Variants in AGAP3 observed in about 807,000 individuals in gnomAD.
The protein encoded by AGAP3 is ArfGAP with GTPase domain, ankyrin repeat and PH domain 3, also known as arf-GAP with GTPase, ANK repeat and PH domain-containing protein 3.
AGAP3 carries 24 observed loss-of-function variants against 96.9 expected under a neutral mutation model. That is an observed-to-expected ratio of 0.25 (90% CI 0.18 to 0.35). The LOEUF (loss-of-function observed/expected upper bound fraction) is 0.35, where lower values mean the gene tolerates loss of function less well. Among genes scored for constraint, AGAP3 ranks in the 10% least tolerant of loss-of-function variants. The pLI is 1.00. For synonymous variants in AGAP3, 563 were observed against 536.1 expected (o/e 1.05, Z -0.69); for missense variants, 876 against 1,254.2 (o/e 0.70, Z 4.55).
rs770250650 is a variant in AGAP3, at chr7:151,118,161, C to A, written c.707-49C>A. The A allele has an allele frequency of 2.0e-5, 32 of 1,569,914 alleles. No homozygotes were observed. Among genetic ancestry groups the A allele is most frequent in the Non-Finnish European group, 2.8e-5 (32 of 1,152,614 alleles). On this transcript the variant is annotated intron_variant, in intron 5 of 17. Transcript: ENST00000397238. The surrounding 1 kb of genome is among the most constrained non-coding windows in gnomAD (Gnocchi z 6.1). ...GGCCAAATGCCCCCCACCACACTAC[C>A]CCAGCTTCTCCGAAAGCTGAATGAC... is the stretch of plus-strand genomic sequence containing the variant.
intron 9 of AGAP3, among the ~76,000 whole-genome samples, chr7:151,127,124 T>C (rs1452767586): frequency 1.3e-5 from 2 of 152,214 alleles, no homozygotes; most frequent in Non-Finnish European, 2.9e-5. Context: ...CTTATCCTAA[T>C]GGCATCCATC....
chr7:151,108,117 G>A lies in AGAP3; in HGVS notation c.332-8676G>A, dbSNP rs1033355791. ...CTGGTCAGAGCTGGAGTGGCGTCAC[G>A]GGCACTTCCAGGGTCTTAGAACATG... On this transcript the variant is annotated intron_variant, in intron 1 of 17. Coordinates refer to ENST00000397238, the MANE Select transcript of AGAP3 (RefSeq NM_031946.7). This position sits in a 1 kb window ranked among gnomAD's most constrained non-coding sequence, Gnocchi z 4.2. Among the ~76,000 whole-genome samples, 14 of 152,230 alleles carry A rather than the reference G, an allele frequency of 9.2e-5. No homozygotes were observed. The highest frequency in any genetic ancestry group is 7.8e-4 in the Admixed American group (12 of 15,294).
rs993052103 is a variant in AGAP3, at chr7:151,117,958, T to G, written c.706+181T>G. The G allele has an allele frequency of 5.3e-6, 5 of 950,236 alleles. No homozygotes were observed. The African/African-American group carries it at 8.3e-5, about 16-fold the overall frequency. 58.9% of individuals were successfully genotyped at this position (950,236 alleles called of 1,614,324 possible). On this transcript the variant is annotated intron_variant, in intron 5 of 17. Coordinates refer to ENST00000397238, the MANE Select transcript of AGAP3 (RefSeq NM_031946.7). The stretch of plus-strand genomic sequence containing the variant: ...GAGGGCTTTTGCCCCCACTGAAACC[T>G]GCTGTCCCTGTGACTAGCAGGTCTG...
chr7:151,086,862 CCCGGGG>C lies in AGAP3; in HGVS notation c.128_133del (p.Ala43_Gly44del), dbSNP rs749816387. 1.5e-5 allele frequency: 16 copies of C among 1,094,088 alleles called. No homozygotes were observed. In the South Asian group the frequency reaches 5.3e-4, roughly 36 times the overall value. The allele number at this position is 1,094,088 out of a possible 1,614,324, so 67.8% of individuals were successfully genotyped here. On this transcript the variant is annotated inframe_deletion, in exon 1 of 18. Transcript: ENST00000397238. ...CGGCGGGCAGTTCGGCGGCGCGGGG[CCCGGGG>C]CCGGGGGCGGCGGCGGCCCCTCGCA... is the stretch of plus-strand genomic sequence containing the variant.
intron 10 of AGAP3, among the ~76,000 whole-genome samples, chr7:151,132,193 C>T (rs980023516): frequency 1.3e-5 from 2 of 152,164 alleles, no homozygotes; most frequent in Non-Finnish European, 2.9e-5. Flanking sequence ...CCTGGGTCTG[C>T]TTCCTTCCCA....
chr7:151,118,802 G>A lies in AGAP3; in HGVS notation c.969+170G>A, dbSNP rs912882010. 2.0e-5 allele frequency among the ~76,000 whole-genome samples: 3 copies of A among 152,158 alleles called. No individual in the cohort carries two copies. The highest frequency in any genetic ancestry group is 2.9e-5 in the Non-Finnish European group (2 of 68,038). Reference sequence around the variant, plus strand: ...GTTGGAATTCCATTTAGCCGGCACCGTAGCCTTGGCCTCATCCCTGCCCCA... The same window carrying A: ...GTTGGAATTCCATTTAGCCGGCACCATAGCCTTGGCCTCATCCCTGCCCCA... On this transcript the variant is annotated intron_variant, in intron 7 of 17. Coordinates refer to ENST00000397238, the MANE Select transcript of AGAP3 (RefSeq NM_031946.7). This position sits in a 1 kb window ranked among gnomAD's most constrained non-coding sequence, Gnocchi z 6.1.
chr7:151,123,655 TCCCGTCCCGCCGC>T lies in AGAP3; in HGVS notation c.1129-134_1129-122del. The T allele has an allele frequency of 2.0e-6, 3 of 1,511,494 alleles. No homozygotes were observed. The Admixed American group carries it at 6.0e-5, about 30-fold the overall frequency. 93.6% of individuals were successfully genotyped at this position (1,511,494 alleles called of 1,614,324 possible). A position where few individuals can be genotyped will look rare whatever the true frequency, so the allele number is the denominator to read the frequency against. Reference sequence around the variant, plus strand: ...TGGAATACTCGTGGTCTCAGTTCCTTCCCGTCCCGCCGCCCCGGCCCGACCCACTGCTAGGGCT... The same window carrying T: ...TGGAATACTCGTGGTCTCAGTTCCTTCCCGGCCCGACCCACTGCTAGGGCT... On this transcript the variant is annotated intron_variant, in intron 8 of 17. Transcript: ENST00000397238.
At chr7:151,092,101 G>A (rs2150405936) in intron 1 of AGAP3, among the ~76,000 whole-genome samples, 1 of 152,306 alleles carries the variant, frequency 6.6e-6, no homozygotes, top group Non-Finnish European at 1.5e-5. Context: ...AACCGCAGGA[G>A]TTGGTGCGTC....
intron 10 of AGAP3, among the ~76,000 whole-genome samples, chr7:151,129,895 G>GGA (rs1800338467): frequency 2.6e-5 from 4 of 152,200 alleles, no homozygotes; most frequent in Non-Finnish European, 5.9e-5. Flanking sequence ...AAGACAAGGG[G>GGA]AGCCCCAGTA....
intron 1 of AGAP3, among the ~76,000 whole-genome samples, chr7:151,090,852 G>A (rs1056725291): frequency 4.9e-4 from 74 of 152,284 alleles, no homozygotes; most frequent in South Asian, 4.1e-4. Flanking sequence ...GCTGAGGCAG[G>A]AGAATGGTGT....
At position 151,140,417 on chromosome 7, in the gene AGAP3, GTGTTTTC is replaced by G; in HGVS notation, c.1804+305_1804+311del. On this transcript the variant is annotated intron_variant, in intron 13 of 17. Coordinates refer to ENST00000397238, the MANE Select transcript of AGAP3 (RefSeq NM_031946.7). This position sits in a 1 kb window ranked among gnomAD's most constrained non-coding sequence, Gnocchi z 5.4. Reference sequence around the variant, plus strand: ...CCTCTAAGATGTTCGGGCAGGACCTGTGTTTTCTGTCTCTTGTGTCATACCGAGTTTA... The same window carrying G: ...CCTCTAAGATGTTCGGGCAGGACCTGTGTCTCTTGTGTCATACCGAGTTTA... 4.6e-6 allele frequency: 1 copy of G among 216,232 alleles called. No individual in the cohort carries two copies. The highest frequency in any genetic ancestry group is 1.4e-4 in the South Asian group (1 of 7,222). The allele number at this position is 216,232 out of a possible 1,614,324, so 13.4% of individuals were successfully genotyped here.
At chr7:151,107,258 T>C (rs1225533846) in intron 1 of AGAP3, among the ~76,000 whole-genome samples, 1 of 148,858 alleles carries the variant, frequency 6.7e-6, no homozygotes, top group African/African-American at 2.5e-5. Flanking sequence ...TGTAGTGAGC[T>C]GAGATCGTGC....
chr7:151,122,834 GGGGCCGGAGGC>G (rs761625835), intron 8 of AGAP3: 1 of 1,611,816 alleles, frequency 6.2e-7, no homozygotes, highest in South Asian at 1.1e-5. Context: ...CCCCCTGTGC[GGGGCCGGAGGC>G]GGGCCGGGCC....
Position 151,143,809 on chromosome 7 carries a change from C to G in AGAP3, c.2602C>G (p.Gln868Glu). ...PLAYARRAGS[Q>E]ECADILIQHG... is the part of the protein sequence containing the mutation. ...GGCATATGCTCGCCGGGCCGGCAGC[C>G]AGGAGTGTGCAGACATCTTGATCCA... Residue 868 changes from glutamine to glutamate, a missense_variant, in exon 18 of 18, where the codon CAG becomes GAG. Gln to Glu is a conservative substitution (Grantham distance 29, BLOSUM62 2). This residue lies in a region of AGAP3 where 213 missense variants were observed against 253.8 expected (regional missense o/e 0.84). Transcript: ENST00000397238. This position sits in a 1 kb window ranked among gnomAD's most constrained non-coding sequence, Gnocchi z 5.9. 6.2e-7 allele frequency: 1 copy of G among 1,614,086 alleles called. No individual in the cohort carries two copies. Among genetic ancestry groups the G allele is most frequent in the Non-Finnish European group, 8.5e-7 (1 of 1,180,034 alleles).
At position 151,139,727 on chromosome 7, in the gene AGAP3, C is replaced by T; in HGVS notation, c.1667-252C>T. On this transcript the variant is annotated intron_variant, in intron 12 of 17. Coordinates refer to ENST00000397238, the MANE Select transcript of AGAP3 (RefSeq NM_031946.7). This position sits in a 1 kb window ranked among gnomAD's most constrained non-coding sequence, Gnocchi z 4.9. ...CCCCTCCAGGCTGCAGAGGCAGCTT[C>T]CTCCCTTTGCCTCCATCCTGCTCTG... 1 of 334,320 alleles carries T rather than the reference C, an allele frequency of 3.0e-6. No homozygotes were observed. The highest frequency in any genetic ancestry group is 4.9e-5 in the Admixed American group (1 of 20,450). 20.7% of individuals were successfully genotyped at this position (334,320 alleles called of 1,614,324 possible). A position where few individuals can be genotyped will look rare whatever the true frequency, so the allele number is the denominator to read the frequency against.
chr7:151,089,320 C>T (rs942209668), intron 1 of AGAP3, among the ~76,000 whole-genome samples: 2 of 152,202 alleles, frequency 1.3e-5, no homozygotes, highest in Non-Finnish European at 2.9e-5. Context: ...TGGGCGTTTC[C>T]GAGCACAGTC....
chr7:151,101,141 TC>T (rs1450322429), intron 1 of AGAP3, among the ~76,000 whole-genome samples: 2 of 152,192 alleles, frequency 1.3e-5, no homozygotes, highest in Non-Finnish European at 2.9e-5. Flanking sequence ...TGCCCAGCCA[TC>T]CCCGGGTCCC....
rs977060487 is a variant in AGAP3 at position 151,123,061 on chromosome 7, C to T, written c.1129-733C>T. The T allele has an allele frequency of 8.7e-6, 11 of 1,265,324 alleles. No individual in the cohort carries two copies. In the African/African-American group the frequency reaches 9.6e-5, roughly 11 times the overall value. 78.4% of individuals were successfully genotyped at this position (1,265,324 alleles called of 1,614,324 possible). A position where few individuals can be genotyped will look rare whatever the true frequency, so the allele number is the denominator to read the frequency against. Reference sequence around the variant, plus strand: ...CGGCCCCACGCCCGGCGCTGGCCAGCGCGACGAGGCCCAGAGGGGCGGGGG... The same window carrying T: ...CGGCCCCACGCCCGGCGCTGGCCAGTGCGACGAGGCCCAGAGGGGCGGGGG... On this transcript the variant is annotated intron_variant, in intron 8 of 17. Transcript: ENST00000397238.
chr7:151,121,470 C>T (rs1361461684), intron 8 of AGAP3, among the ~76,000 whole-genome samples: 1 of 152,128 alleles, frequency 6.6e-6, no homozygotes, highest in Non-Finnish European at 1.5e-5. Flanking sequence ...CTCAGTCATC[C>T]GCTGCCTCAG....
Sources: gnomAD v4.1 joint callset for allele counts (sites outside exome capture counted in the v4.1 genomes callset) on GRCh38, gnomAD v4.1.1 for gene constraint, gnomAD v4.1.1 regional missense constraint, Gnocchi (gnomAD v3.1) non-coding constraint, MANE v1.5 for transcripts, NCBI Gene and HGNC (gene_info 2026-07-23, HGNC 2026-07-21) for gene names.